Variants in SLC9C1 observed in about 807,000 individuals in gnomAD.
SLC9C1 encodes solute carrier family 9 member C1.
A neutral mutation model predicts 140.9 loss-of-function variants in SLC9C1; 97 were observed. That is an observed-to-expected ratio of 0.69 (90% CI 0.58 to 0.82). The LOEUF (loss-of-function observed/expected upper bound fraction) is 0.82, where lower values mean the gene tolerates loss of function less well. Ranked by LOEUF, SLC9C1 falls within the 40% of genes least tolerant of loss-of-function variation. The pLI, the probability that SLC9C1 is intolerant of heterozygous loss-of-function variation, is 0.00. For synonymous variants in SLC9C1, 440 were observed against 442.6 expected (o/e 0.99, Z 0.07); for missense variants, 1,340 against 1,389.3 (o/e 0.96, Z 0.56).
At chr3:112,168,378 T>G (rs1056732778) in intron 25 of SLC9C1, among the ~76,000 whole-genome samples, 7 of 149,598 alleles carry the variant, frequency 4.7e-5, no homozygotes, top group Non-Finnish European at 7.4e-5. Flanking sequence ...ACTTCTTTCC[T>G]TCTTTACATG....
rs764598021 is a variant in SLC9C1, at chr3:112,182,237, C to G, written c.2545G>C (p.Glu849Gln). The change falls in exon 21 of 29, where the codon GAG becomes CAG. Residue 849 changes from glutamate (E) to glutamine (Q), a missense_variant. By Grantham distance (29) the Glu-to-Gln change is conservative (BLOSUM62 2). Coordinates refer to ENST00000305815, the MANE Select transcript of SLC9C1 (RefSeq NM_183061.3). ...INKLIMAKKK[E>Q]VLDSQSIIRP... Reference sequence around the variant, plus strand: ...ATAATAGATTGAGAATCAAGCACCTCTTTCTTTTTGGCCATGATTAACTAA... The same window carrying G: ...ATAATAGATTGAGAATCAAGCACCTGTTTCTTTTTGGCCATGATTAACTAA... 2 of 1,603,854 alleles carry G rather than the reference C, an allele frequency of 1.2e-6. No homozygotes were observed. Among genetic ancestry groups the G allele is most frequent in the East Asian group, 2.3e-5 (1 of 44,402 alleles).
At chr3:112,168,314 C>A (rs2077177456) in intron 25 of SLC9C1, among the ~76,000 whole-genome samples, 1 of 144,548 alleles carries the variant, frequency 6.9e-6, no homozygotes, top group African/African-American at 2.7e-5. Flanking sequence ...TCCCCCAACA[C>A]AAAACAATAC....
intron 10 of SLC9C1, among the ~76,000 whole-genome samples, chr3:112,261,148 C>T (rs1321941095): frequency 6.6e-6 from 1 of 152,044 alleles, no homozygotes; most frequent in African/African-American, 2.4e-5. Context: ...GTCCCTTATC[C>T]AATACCCCAA....
At chr3:112,195,180 A>G (rs983413394) in intron 20 of SLC9C1, among the ~76,000 whole-genome samples, 4 of 152,178 alleles carry the variant, frequency 2.6e-5, no homozygotes, top group African/African-American at 9.6e-5. Context: ...CTTAAGCATC[A>G]TTTCCAAGTA....
chr3:112,178,122 C>T (rs2077373456), intron 23 of SLC9C1, among the ~76,000 whole-genome samples: 1 of 151,300 alleles, frequency 6.6e-6, no homozygotes, highest in African/African-American at 2.4e-5. Context: ...GCCTTCTTCC[C>T]CTCTACCACT....
chr3:112,169,284 T>C lies in SLC9C1; in HGVS notation c.2964A>G (p.Gln988=), dbSNP rs771359542. 2 of 1,613,408 alleles carry C rather than the reference T, an allele frequency of 1.2e-6. No homozygotes were observed. ...PKTHLYDAFE[Q]CSPLIKQKMW... ...TTTTTTGTTTAATGAGAGGAGAGCA[T>C]TGCTCAAAAGCATCATACAAGTGAG... The change falls in exon 24 of 29, where the codon CAA becomes CAG. Residue 988 remains glutamine, a synonymous_variant. Coordinates refer to ENST00000305815, the MANE Select transcript of SLC9C1 (RefSeq NM_183061.3).
intron 10 of SLC9C1, among the ~76,000 whole-genome samples, chr3:112,245,404 T>C (rs2079253968): frequency 6.6e-6 from 1 of 152,060 alleles, no homozygotes; most frequent in African/African-American, 2.4e-5. Flanking sequence ...GTTTTAGGTA[T>C]GGTGTGAGGT....
chr3:112,270,236 A>G (rs2080034635), intron 6 of SLC9C1, among the ~76,000 whole-genome samples, 159 bp from the exon 7 acceptor site: 3 of 152,212 alleles, frequency 2.0e-5, no homozygotes, highest in Admixed American at 2.0e-4. Context: ...TATTGATTTC[A>G]ATTCCTTTGG....
In SLC9C1 at chr3:112,215,562, A is replaced by C. The variant is rs573435045; in HGVS notation, c.1790+1880T>G. ...AAATCACAAGCATTCTTATACACCA[A>C]TAACAGACAAACAGCCAAATCATGA... On this transcript the variant is annotated intron_variant, in intron 15 of 28. Coordinates refer to ENST00000305815, the MANE Select transcript of SLC9C1 (RefSeq NM_183061.3). Among the ~76,000 whole-genome samples the C allele has an allele frequency of 5.5e-4, 83 of 152,212 alleles. 1 individual carries two copies. The highest frequency in any genetic ancestry group is 1.9e-3 in the African/African-American group (80 of 41,528).
At position 112,278,831 on chromosome 3, in the gene SLC9C1, T is replaced by A; in HGVS notation, c.216A>T (p.Gln72His). 6.2e-7 allele frequency: 1 copy of A among 1,604,484 alleles called. No homozygotes were observed. The highest frequency in any genetic ancestry group is 8.5e-7 in the Non-Finnish European group (1 of 1,177,164). ...GAAAAAATAAGTCTGGACTCATCCATTGTATGGCGTTTGCGTATCTTTGGA... is the reference window on the plus strand; with the variant it reads ...GAAAAAATAAGTCTGGACTCATCCAATGTATGGCGTTTGCGTATCTTTGGA... ...SQVQRYANAI[Q>H]WMSPDLFFRI... is the part of the protein sequence containing the mutation. The change falls in exon 4 of 29, where the codon CAA (glutamine) becomes CAT (histidine). Residue 72 changes from glutamine (Q) to histidine (H), a missense_variant. Transcript: ENST00000305815.
rs1261666185 is a variant in SLC9C1, at chr3:112,152,469, AC to A, written c.3418-507del. On this transcript the variant is annotated intron_variant, in intron 27 of 28. Transcript: ENST00000305815. ...AAAATAGAATGTATGATCGGGTTTT[AC>A]ACCGAGACATTCCATTCCCAGGGAC... Among the ~76,000 whole-genome samples the A allele has an allele frequency of 9.2e-5, 14 of 152,074 alleles. 1 individual carries two copies. Among genetic ancestry groups the A allele is most frequent in the African/African-American group, 3.1e-4 (13 of 41,480 alleles).
chr3:112,211,493 G>C (rs905329872), intron 15 of SLC9C1, among the ~76,000 whole-genome samples: 1 of 152,148 alleles, frequency 6.6e-6, no homozygotes, highest in Non-Finnish European at 1.5e-5. Flanking sequence ...CTGGAAAATC[G>C]GGTCACTCCC....
intron 10 of SLC9C1, among the ~76,000 whole-genome samples, chr3:112,244,652 G>A (rs78213279): frequency 2.0e-5 from 3 of 152,284 alleles, no homozygotes; most frequent in East Asian, 1.9e-4. Context: ...TGTATCTCAA[G>A]TCAGTCTTGA....
chr3:112,198,693 T>A (rs1464620617), intron 20 of SLC9C1, among the ~76,000 whole-genome samples: 1 of 152,066 alleles, frequency 6.6e-6, no homozygotes, highest in Non-Finnish European at 1.5e-5. Context: ...GTTACATAGC[T>A]GTTAGGGGAG....
intron 20 of SLC9C1, among the ~76,000 whole-genome samples, chr3:112,196,581 C>G (rs989131644): frequency 6.6e-6 from 1 of 152,066 alleles, no homozygotes; most frequent in East Asian, 1.9e-4. Context: ...TTTTATCTTT[C>G]TGTTCCTCAG....
At chr3:112,213,804 C>T (rs2078277104) in intron 15 of SLC9C1, among the ~76,000 whole-genome samples, 1 of 152,174 alleles carries the variant, frequency 6.6e-6, no homozygotes, top group Non-Finnish European at 1.5e-5. Flanking sequence ...AACAACGAGA[C>T]AGAAAGTTAA....
At chr3:112,152,597 G>A (rs536497435) in intron 27 of SLC9C1, among the ~76,000 whole-genome samples, 1 of 152,150 alleles carries the variant, frequency 6.6e-6, no homozygotes, top group South Asian at 2.1e-4. Context: ...CAGGCTGGGG[G>A]ACAGTCAGGT....
At chr3:112,168,356 CACACACACACA>C (rs1256123473) in intron 25 of SLC9C1, among the ~76,000 whole-genome samples, 2,633 of 105,540 alleles carry the variant, frequency 0.025, 59 homozygotes, top group African/African-American at 0.067. Flanking sequence ...CACACACACA[CACACACACACA>C]ACTTCTTTCC....
intron 26 of SLC9C1, among the ~76,000 whole-genome samples, chr3:112,165,134 A>C (rs1159028279): frequency 6.6e-6 from 1 of 152,202 alleles, no homozygotes; most frequent in East Asian, 1.9e-4. Flanking sequence ...AGGTCCTTTA[A>C]GGACTTCTCT....
Sources: gnomAD v4.1 joint callset for allele counts (sites outside exome capture counted in the v4.1 genomes callset) on GRCh38, gnomAD v4.1.1 for gene constraint, MANE v1.5 for transcripts, NCBI Gene and HGNC (gene_info 2026-07-23, HGNC 2026-07-21) for gene names.